STK32B: variants seen among roughly 807,000 people sequenced by gnomAD.
The protein encoded by STK32B is serine/threonine-protein kinase 32B.
STK32B carries 43 observed loss-of-function variants against 52.6 expected under a neutral mutation model. That is an observed-to-expected ratio of 0.82 (90% CI 0.64 to 1.05). The LOEUF (loss-of-function observed/expected upper bound fraction) is 1.05, where lower values mean the gene tolerates loss of function less well. Among genes scored for constraint, STK32B ranks in the 50% least tolerant of loss-of-function variants. STK32B has a pLI of 0.00. For synonymous variants in STK32B, 238 were observed against 204.3 expected (o/e 1.17, Z -1.41); for missense variants, 621 against 534.6 (o/e 1.16, Z -1.59).
At chr4:5,325,712 C>A (rs868668171) in intron 3 of STK32B, among the ~76,000 whole-genome samples, 3 of 152,182 alleles carry the variant, frequency 2.0e-5, no homozygotes, top group Non-Finnish European at 4.4e-5. Flanking sequence ...TTTGCTCTTG[C>A]AAGGAGAGCC....
chr4:5,138,398 T>G (rs979070139), intron 1 of STK32B, among the ~76,000 whole-genome samples: 1 of 152,236 alleles, frequency 6.6e-6, no homozygotes, highest in Non-Finnish European at 1.5e-5. Context: ...ATTTTTTTTT[T>G]TGTAAATAAC....
chr4:5,427,271 A>G (rs1000985943), intron 6 of STK32B, among the ~76,000 whole-genome samples: 15 of 152,206 alleles, frequency 9.9e-5, no homozygotes, highest in Non-Finnish European at 1.8e-4. Context: ...TATCTTTTAC[A>G]TATAATCCTT....
intron 6 of STK32B, among the ~76,000 whole-genome samples, chr4:5,445,371 G>C (rs1013651676): frequency 2.6e-5 from 4 of 152,138 alleles, no homozygotes. Context: ...GGCTCCCCGG[G>C]GCAGATTTCG....
intron 3 of STK32B, among the ~76,000 whole-genome samples, chr4:5,212,366 A>C (rs12646775): frequency 0.3 from 46,051 of 152,108 alleles, 8,168 homozygotes; most frequent in East Asian, 0.49. Flanking sequence ...GACACCTCTC[A>C]AAACAAGCAA....
At chr4:5,342,379 G>T (rs137893888) in intron 4 of STK32B, among the ~76,000 whole-genome samples, 1 of 152,126 alleles carries the variant, frequency 6.6e-6, no homozygotes, top group Non-Finnish European at 1.5e-5. Context: ...CATAAAAAAG[G>T]ATGAGTTCAT....
chr4:5,244,682 T>C (rs1725310554), intron 3 of STK32B, among the ~76,000 whole-genome samples: 1 of 152,214 alleles, frequency 6.6e-6, no homozygotes, highest in African/African-American at 2.4e-5. Context: ...GTGTCAATTT[T>C]AGATCTTTCC....
chr4:5,492,704 C>G (rs1393565161), intron 11 of STK32B, among the ~76,000 whole-genome samples: 1 of 151,168 alleles, frequency 6.6e-6, no homozygotes, highest in East Asian at 1.9e-4. Context: ...ATGATATTGG[C>G]TGTGGGTTTG....
chr4:5,126,257 T>C (rs1715358147), intron 1 of STK32B, among the ~76,000 whole-genome samples: 1 of 152,228 alleles, frequency 6.6e-6, no homozygotes, highest in Non-Finnish European at 1.5e-5. Context: ...AGGATAGTCC[T>C]TGTGCCCTTT....
At chr4:5,084,470 G>T (rs867236564) in intron 1 of STK32B, among the ~76,000 whole-genome samples, 1 of 152,126 alleles carries the variant, frequency 6.6e-6, no homozygotes, top group African/African-American at 2.4e-5. Flanking sequence ...TGAAAAAAAT[G>T]ATATTTATGA....
chr4:5,021,484 G>A, the STK32B span, among the ~76,000 whole-genome samples: 1 of 152,316 alleles, frequency 6.6e-6, no homozygotes, highest in Admixed American at 6.5e-5. Flanking sequence ...TGGCAGAATA[G>A]CTGGCCCCAG....
At chr4:5,357,894 A>C (rs1347035543) in intron 4 of STK32B, among the ~76,000 whole-genome samples, 1 of 152,094 alleles carries the variant, frequency 6.6e-6, no homozygotes, top group Non-Finnish European at 1.5e-5. Flanking sequence ...AGAACGACTT[A>C]AGCAGTACTC....
At chr4:5,243,895 A>G (rs1577235996) in intron 3 of STK32B, among the ~76,000 whole-genome samples, 2 of 152,164 alleles carry the variant, frequency 1.3e-5, no homozygotes, top group East Asian at 3.8e-4. Context: ...TGATGTTCGT[A>G]TGTTGAACTG....
intron 1 of STK32B, among the ~76,000 whole-genome samples, chr4:5,078,576 G>A (rs545242091): frequency 6.6e-6 from 1 of 152,300 alleles, no homozygotes; most frequent in Admixed American, 6.5e-5. Flanking sequence ...ACCTGTCTGA[G>A]CTCCAGATTC....
At chr4:5,364,932 A>G (rs1400869240) in intron 4 of STK32B, among the ~76,000 whole-genome samples, 2 of 152,080 alleles carry the variant, frequency 1.3e-5, no homozygotes, top group Admixed American at 6.6e-5. Flanking sequence ...CTGGAGTGCA[A>G]TGGTGCAATC....
At chr4:5,365,898 C>T (rs539227309) in intron 4 of STK32B, among the ~76,000 whole-genome samples, 1 of 152,212 alleles carries the variant, frequency 6.6e-6, no homozygotes, top group East Asian at 1.9e-4. Context: ...TAAAGGGCAG[C>T]GTGAGAAAGG....
At chr4:5,319,464 G>C (rs1481483774) in intron 3 of STK32B, among the ~76,000 whole-genome samples, 1 of 152,142 alleles carries the variant, frequency 6.6e-6, no homozygotes, top group African/African-American at 2.4e-5. Context: ...CAAATCCTCA[G>C]TGGCTTCCCC....
intron 9 of STK32B, 34 bp from the exon 10 acceptor site, chr4:5,466,669 G>A: frequency 1.9e-6 from 3 of 1,595,392 alleles, no homozygotes; most frequent in Non-Finnish European, 2.6e-6. Flanking sequence ...GTGGAACGCA[G>A]ACAGACCATG....
In STK32B at chr4:5,288,379, A is replaced by G. The variant is rs149918343; in HGVS notation, c.261-42841A>G. Among the ~76,000 whole-genome samples the G allele has an allele frequency of 2.0e-3, 301 of 152,292 alleles. 1 individual carries two copies. The highest frequency in any genetic ancestry group is 6.9e-3 in the African/African-American group (286 of 41,568). On this transcript the variant is annotated intron_variant, in intron 3 of 11. Coordinates refer to ENST00000282908, the MANE Select transcript of STK32B (RefSeq NM_018401.3). ...TCCCATCAGCGATGCATGGAGGTTC[A>G]AATCCTATGTGCACCTGTGTTATTG...
At chr4:5,282,865 T>G (rs1728298523) in intron 3 of STK32B, among the ~76,000 whole-genome samples, 1 of 152,124 alleles carries the variant, frequency 6.6e-6, no homozygotes, top group African/African-American at 2.4e-5. Flanking sequence ...TATGAGTTGT[T>G]TATTCCTGGA....
Sources: allele counts gnomAD v4.1 joint callset (sites outside exome capture counted in the v4.1 genomes callset), GRCh38; gene constraint gnomAD v4.1.1; transcripts MANE v1.5; gene names NCBI Gene and HGNC (gene_info 2026-07-23, HGNC 2026-07-21).